PTPN21: variants seen among roughly 807,000 people sequenced by gnomAD.
The protein encoded by PTPN21 is tyrosine-protein phosphatase non-receptor type 21.
In PTPN21, 77 loss-of-function variants were observed where a neutral mutation model predicts 131.8. The observed-to-expected ratio is 0.58, with a 90% confidence interval of 0.49 to 0.71. The LOEUF (loss-of-function observed/expected upper bound fraction) is 0.71, where lower values mean the gene tolerates loss of function less well. PTPN21 is among the 30% of genes least tolerant of loss of function. PTPN21 has a pLI of 0.00. For synonymous variants in PTPN21, 715 were observed against 621.3 expected, an observed-to-expected ratio of 1.15 and a Z score of -2.24; for missense variants, 1,552 against 1,527.1, an observed-to-expected ratio of 1.02 and a Z score of -0.27.
chr14:88,481,418 T>C (rs1007321892), intron 12 of PTPN21, among the ~76,000 whole-genome samples: 2 of 152,180 alleles, frequency 1.3e-5, no homozygotes, highest in African/African-American at 4.8e-5. Flanking sequence ...TCCTCACTGC[T>C]GCCACAGCTC....
intron 2 of PTPN21, among the ~76,000 whole-genome samples, chr14:88,518,363 C>CGTGTGTGTGTGTGT (rs763310026): frequency 2.1e-5 from 1 of 46,830 alleles, no homozygotes; most frequent in Non-Finnish European, 4.3e-5. Flanking sequence ...TATACATACA[C>CGTGTGTGTGTGTGT]GTGTGTGTGT....
chr14:88,548,275 C>A (rs1391930575), intron 2 of PTPN21, among the ~76,000 whole-genome samples: 2 of 152,218 alleles, frequency 1.3e-5, no homozygotes, highest in East Asian at 1.9e-4. Context: ...TTCCCCACTA[C>A]CCTCAGGATA....
chr14:88,530,798 C>G (rs1393090602), intron 2 of PTPN21, among the ~76,000 whole-genome samples: 1 of 151,958 alleles, frequency 6.6e-6, no homozygotes, highest in African/African-American at 2.4e-5. Context: ...ACAATTACTA[C>G]TAGACCAAAA....
chr14:88,497,062 G>T, intron 9 of PTPN21, 141 bp downstream of exon 9: 2 of 789,402 alleles, frequency 2.5e-6, no homozygotes, highest in Non-Finnish European at 4.1e-6. Flanking sequence ...AATGCTATAT[G>T]ATAAAACTGC....
intron 2 of PTPN21, among the ~76,000 whole-genome samples, chr14:88,525,578 C>G (rs1164092584): frequency 6.6e-6 from 1 of 152,174 alleles, no homozygotes; most frequent in Non-Finnish European, 1.5e-5. Context: ...TGAGGAGAAA[C>G]TGGAACCCTT....
intron 13 of PTPN21, among the ~76,000 whole-genome samples, chr14:88,474,663 C>T (rs980299639): frequency 9.9e-5 from 15 of 152,084 alleles, no homozygotes; most frequent in African/African-American, 2.9e-4. Context: ...CGTTTTTAAA[C>T]AAGGAAAATA....
At chr14:88,480,533 T>C (rs1362649158) in intron 12 of PTPN21, among the ~76,000 whole-genome samples, 181 bp from the exon 13 acceptor site, 1 of 152,112 alleles carries the variant, frequency 6.6e-6, no homozygotes, top group African/African-American at 2.4e-5. Flanking sequence ...TCCTCATCTA[T>C]AGGATGGGCA....
rs924481271 is a variant in PTPN21, at chr14:88,510,480, T to C, written c.351-2460A>G. 1.4e-4 allele frequency among the ~76,000 whole-genome samples: 22 copies of C among 152,188 alleles called. 1 individual carries two copies. Among genetic ancestry groups the C allele is most frequent in the African/African-American group, 4.3e-4 (18 of 41,444 alleles). On this transcript the variant is annotated intron_variant, in intron 3 of 18. Transcript: ENST00000556564. ...TGCACAGAGCCAGACTGAGCTGGAG[T>C]TTGAATCCCCAGGTCTCAATGACCC...
chr14:88,521,552 G>A (rs916432280), intron 2 of PTPN21, among the ~76,000 whole-genome samples: 3 of 142,382 alleles, frequency 2.1e-5, no homozygotes, highest in South Asian at 2.2e-4. Context: ...ACAGGCACCC[G>A]CCACCACGCC....
rs201920726 is a variant in PTPN21, at chr14:88,517,293, A to G, written c.181-32T>C. On this transcript the variant is annotated intron_variant, in intron 2 of 18. Transcript: ENST00000556564. Reference sequence around the variant, plus strand: ...AGACAGAAGGTCATTGAAGGAGGCAATAACATACAAAAGGATTTCAATGAC... The same window carrying G: ...AGACAGAAGGTCATTGAAGGAGGCAGTAACATACAAAAGGATTTCAATGAC... 4.7e-5 allele frequency: 75 copies of G among 1,604,504 alleles called. No homozygotes were observed. The African/African-American group carries it at 9.0e-4, about 19-fold the overall frequency.
chr14:88,536,037 G>A (rs532518047), intron 2 of PTPN21, among the ~76,000 whole-genome samples: 7 of 152,248 alleles, frequency 4.6e-5, no homozygotes, highest in East Asian at 3.9e-4. Flanking sequence ...TTACCTCCAC[G>A]TGGCTTCTCT....
At chr14:88,543,302 A>T (rs1294815661) in intron 2 of PTPN21, among the ~76,000 whole-genome samples, 1 of 152,162 alleles carries the variant, frequency 6.6e-6, no homozygotes, top group African/African-American at 2.4e-5. Context: ...GAGGAAGCTG[A>T]CACTCCCTTG....
intron 2 of PTPN21, among the ~76,000 whole-genome samples, chr14:88,530,585 T>A (rs536507961): frequency 6.8e-6 from 1 of 146,734 alleles, no homozygotes; most frequent in Admixed American, 6.8e-5. Context: ...GGTAAAGGAG[T>A]GGAAAAAGAT....
intron 10 of PTPN21, among the ~76,000 whole-genome samples, chr14:88,495,480 G>C (rs1055453786): frequency 1.3e-5 from 2 of 152,160 alleles, no homozygotes; most frequent in Non-Finnish European, 2.9e-5. Flanking sequence ...GAACAACATG[G>C]AGAAACCCTG....
intron 1 of PTPN21, chr14:88,551,241 G>A (rs974645874): frequency 6.6e-6 from 1 of 152,278 alleles, no homozygotes; most frequent in African/African-American, 2.4e-5. Context: ...TTTACCACTA[G>A]AAGAGTGGCA....
chr14:88,554,518 G>C (rs1310045089), intron 1 of PTPN21, 133 bp downstream of exon 1: 1 of 151,968 alleles, frequency 6.6e-6, no homozygotes, highest in Non-Finnish European at 1.5e-5. Flanking sequence ...CTCCCGCTAC[G>C]GGTCTGGCCG....
At chr14:88,485,243 T>G in intron 11 of PTPN21, 83 bp from the exon 12 acceptor site, 1 of 852,440 alleles carries the variant, frequency 1.2e-6, no homozygotes, top group Non-Finnish European at 1.7e-6. Context: ...GGATTCTTTC[T>G]GTTAAAAAAA....
chr14:88,546,500 C>G (rs558895698), intron 2 of PTPN21, among the ~76,000 whole-genome samples: 1 of 150,218 alleles, frequency 6.7e-6, no homozygotes, highest in African/African-American at 2.5e-5. Flanking sequence ...CGCTTGGACC[C>G]GGGAGGCAGA....
At chr14:88,525,347 A>C (rs528506570) in intron 2 of PTPN21, among the ~76,000 whole-genome samples, 31 of 152,342 alleles carry the variant, frequency 2.0e-4, no homozygotes, top group Non-Finnish European at 3.7e-4. Flanking sequence ...TACTACTTGA[A>C]ACGTATAAAA....
Sources: gnomAD v4.1 joint callset for allele counts (sites outside exome capture counted in the v4.1 genomes callset) on GRCh38, gnomAD v4.1.1 for gene constraint, MANE v1.5 for transcripts, NCBI Gene and HGNC (gene_info 2026-07-23, HGNC 2026-07-21) for gene names.